ANO1: variants seen among roughly 807,000 people sequenced by gnomAD.
ANO1 encodes the protein anoctamin-1.
A neutral mutation model predicts 124.0 loss-of-function variants in ANO1; 59 were observed. That is an observed-to-expected ratio of 0.48 (90% confidence interval 0.39 to 0.59). The LOEUF (loss-of-function observed/expected upper bound fraction) is 0.59, where lower values mean the gene tolerates loss of function less well. Among genes scored for constraint, ANO1 ranks in the 20% least tolerant of loss-of-function variants. The pLI is 0.00. For missense variants in ANO1, 1,059 were observed against 1,328.0 expected (o/e 0.80, Z 3.15); for synonymous variants, 529 against 532.0 (o/e 0.99, Z 0.08).
At position 70,092,467 on chromosome 11, in the gene ANO1, A is replaced by C. The variant is rs542447674; in HGVS notation, c.441+4383A>C. Among the ~76,000 whole-genome samples the C allele has an allele frequency of 1.3e-3, 204 of 152,302 alleles. 1 individual carries two copies. The highest frequency in any genetic ancestry group is 5.1e-4 in the Non-Finnish European group (35 of 68,012). On this transcript the variant is annotated intron_variant, in intron 2 of 25. Coordinates refer to ENST00000355303, the MANE Select transcript of ANO1 (RefSeq NM_018043.7). ...TGGGGCAGGGTCATGGCTGAGGGCC[A>C]GGGAAGGTCTGGGGGAGTGACAGCT...
At position 70,087,968 on chromosome 11, in the gene ANO1, G is replaced by C; in HGVS notation, c.325G>C (p.Asp109His). The part of the protein sequence containing the change: ...HPLPGKGASL[D>H]AGSGEPPMDY... ...CCTGCCGGGCAAGGGGGCGTCGCTG[G>C]ATGCAGGCTCGGGGGAGCCCCCGAT... Residue 109 changes from aspartate (D) to histidine (H), a missense_variant, in exon 2 of 26, where the codon GAT (aspartate) becomes CAT (histidine). Around this residue, in one of 2 missense-constraint regions of ANO1, gnomAD observed 250 missense variants for 233.1 expected, o/e 1.07. Coordinates refer to ENST00000355303, the MANE Select transcript of ANO1 (RefSeq NM_018043.7). The C allele has an allele frequency of 6.3e-7, 1 of 1,590,868 alleles. No individual in the cohort carries two copies. The highest frequency in any genetic ancestry group is 8.6e-7 in the Non-Finnish European group (1 of 1,167,596).
At chr11:70,089,357 TC>T (rs2044528476) in intron 2 of ANO1, among the ~76,000 whole-genome samples, 1 of 152,214 alleles carries the variant, frequency 6.6e-6, no homozygotes, top group Non-Finnish European at 1.5e-5. Flanking sequence ...AAGAATGTCC[TC>T]GGAGTATTTA....
At chr11:70,167,008 G>A (rs188755733) in intron 20 of ANO1, among the ~76,000 whole-genome samples, 10 of 152,210 alleles carry the variant, frequency 6.6e-5, no homozygotes, top group South Asian at 2.1e-4. Context: ...TTAGCCAGGC[G>A]TGGCAGCATG....
intron 1 of ANO1, among the ~76,000 whole-genome samples, chr11:70,022,041 C>A (rs527302875): frequency 2.0e-5 from 3 of 152,310 alleles, no homozygotes; most frequent in African/African-American, 4.8e-5. Flanking sequence ...TGGGGTTGGG[C>A]CCCTTCCCTC....
chr11:70,007,493 G>A (rs782736926), intron 1 of ANO1, among the ~76,000 whole-genome samples: 1 of 151,994 alleles, frequency 6.6e-6, no homozygotes, highest in Non-Finnish European at 1.5e-5. Context: ...AGCCAGGATG[G>A]TCTCGATCTC....
At chr11:70,118,513 A>G (rs1025845217) in intron 8 of ANO1, among the ~76,000 whole-genome samples, 1 of 151,788 alleles carries the variant, frequency 6.6e-6, no homozygotes, top group South Asian at 2.1e-4. Context: ...GGATTAATGG[A>G]TGATAGATGG....
chr11:70,050,498 A>G (rs1167122176), intron 1 of ANO1, among the ~76,000 whole-genome samples: 13 of 151,856 alleles, frequency 8.6e-5, no homozygotes, highest in East Asian at 1.9e-4. Flanking sequence ...GGCTTTTCCA[A>G]CTTCCCCGCT....
chr11:70,042,701 G>A (rs2135060600), intron 1 of ANO1, among the ~76,000 whole-genome samples: 1 of 152,282 alleles, frequency 6.6e-6, no homozygotes, highest in East Asian at 1.9e-4. Flanking sequence ...GCTTACAGAG[G>A]GCTGGGAATA....
At chr11:70,184,268 G>T (rs2049028010) in intron 24 of ANO1, among the ~76,000 whole-genome samples, 1 of 152,174 alleles carries the variant, frequency 6.6e-6, no homozygotes, top group Admixed American at 6.5e-5. Context: ...AGGGAGGGAG[G>T]CCCTAGGCAG....
At chr11:70,085,000 T>C (rs557583900) in intron 1 of ANO1, among the ~76,000 whole-genome samples, 7 of 152,170 alleles carry the variant, frequency 4.6e-5, no homozygotes, top group Admixed American at 1.3e-4. Flanking sequence ...CGAGATGACA[T>C]ACCTGGGCCG....
chr11:70,149,854 C>G, intron 12 of ANO1, 62 bp downstream of exon 12: 2 of 1,558,058 alleles, frequency 1.3e-6, no homozygotes, highest in South Asian at 1.1e-5. Context: ...ACCCCAGGAC[C>G]TCCTTGGGAC....
At chr11:70,079,312 A>C (rs1388782195) in intron 1 of ANO1, among the ~76,000 whole-genome samples, 1 of 152,118 alleles carries the variant, frequency 6.6e-6, no homozygotes, top group Non-Finnish European at 1.5e-5. Context: ...CTCAAAGCCC[A>C]GGGTGTCAAT....
Position 70,187,728 on chromosome 11 carries a change from C to T in ANO1, c.2695-10C>T, listed in dbSNP as rs767666032. On this transcript the variant is annotated splice_polypyrimidine_tract_variant and intron_variant, in intron 25 of 25. Coordinates refer to ENST00000355303, the MANE Select transcript of ANO1 (RefSeq NM_018043.7). ...TCCTCCCTTCTGCCACGCGTTGCCT[C>T]TCCTTCCAGAACCTGGTCATGTTCA... The T allele has an allele frequency of 8.7e-6, 14 of 1,602,788 alleles. No individual in the cohort carries two copies. In the South Asian group the frequency reaches 1.4e-4, roughly 16 times the overall value.
intron 1 of ANO1, among the ~76,000 whole-genome samples, chr11:70,048,792 T>C (rs192293771): frequency 6.6e-6 from 1 of 151,464 alleles, no homozygotes; most frequent in Non-Finnish European, 1.5e-5. Flanking sequence ...CGGAGACCTC[T>C]CCACATTGGT....
At chr11:70,105,886 C>A in intron 5 of ANO1, 98 bp downstream of exon 5, 1 of 1,259,912 alleles carries the variant, frequency 7.9e-7, no homozygotes, top group Non-Finnish European at 1.1e-6. Flanking sequence ...CGGTGGAAGC[C>A]GGCTCTAATT....
chr11:70,011,724 A>G (rs1856600978), intron 1 of ANO1, among the ~76,000 whole-genome samples: 1 of 152,170 alleles, frequency 6.6e-6, no homozygotes. Flanking sequence ...TTGGAAGTGT[A>G]TTCTTAGATC....
At chr11:69,978,769 T>C in the ANO1 span, among the ~76,000 whole-genome samples, 2,066 of 152,304 alleles carry the variant, frequency 0.014, 26 homozygotes, top group Non-Finnish European at 0.018. Flanking sequence ...TCAGGACGAA[T>C]TGAATTATTC....
At chr11:70,104,836 G>A (rs1441624460) in intron 4 of ANO1, among the ~76,000 whole-genome samples, 3 of 152,114 alleles carry the variant, frequency 2.0e-5, no homozygotes, top group African/African-American at 2.4e-5. Context: ...TCACAGGGTC[G>A]GGGGCATGGA....
chr11:70,049,988 G>C (rs998768652), intron 1 of ANO1, among the ~76,000 whole-genome samples: 1 of 152,176 alleles, frequency 6.6e-6, no homozygotes, highest in Non-Finnish European at 1.5e-5. Flanking sequence ...CCCAAAGCTG[G>C]GATTACAGGC....
Sources: allele counts gnomAD v4.1 joint callset (sites outside exome capture counted in the v4.1 genomes callset), GRCh38; gene constraint gnomAD v4.1.1; regional missense constraint gnomAD v4.1.1; transcripts MANE v1.5; gene names NCBI Gene and HGNC (gene_info 2026-07-23, HGNC 2026-07-21).